OTOP2: variants seen among roughly 807,000 people sequenced by gnomAD.
The protein encoded by OTOP2 is otopetrin 2.
OTOP2 carries 41 observed loss-of-function variants against 47.4 expected under a neutral mutation model. That is an observed-to-expected ratio of 0.87 (90% CI 0.67 to 1.12). The LOEUF is 1.12. OTOP2 is among the 50% of genes most tolerant of loss of function. OTOP2 has a pLI of 0.00. For missense variants in OTOP2, 721 were observed against 752.2 expected (o/e 0.96, Z 0.49); for synonymous variants, 328 against 319.6 (o/e 1.03, Z -0.28).
At position 74,930,139 on chromosome 17, in the gene OTOP2, C is replaced by A; in HGVS notation, c.644-140C>A. ...TGAAGCTTGCAGTGAGCCAAGATCACACCATTGCACTCCAGCCTGAGCATC... is the reference window on the plus strand; with the variant it reads ...TGAAGCTTGCAGTGAGCCAAGATCAAACCATTGCACTCCAGCCTGAGCATC... On this transcript the variant is annotated intron_variant, in intron 5 of 6. Transcript: ENST00000331427. The surrounding 1 kb of genome is among the most constrained non-coding windows in gnomAD (Gnocchi z 4.0). The A allele has an allele frequency of 1.1e-6, 1 of 935,394 alleles. No homozygotes were observed. Among genetic ancestry groups the A allele is most frequent in the South Asian group, 1.8e-5 (1 of 54,672 alleles). The allele number at this position is 935,394 out of a possible 1,614,324, so 57.9% of individuals were successfully genotyped here. A position where few individuals can be genotyped will look rare whatever the true frequency, so the allele number is the denominator to read the frequency against.
chr17:74,931,057 G>A lies in OTOP2; in HGVS notation c.1422G>A (p.Gln474=), dbSNP rs143125362. The A allele has an allele frequency of 2.2e-4, 348 of 1,614,130 alleles. 1 individual carries two copies. In the Middle Eastern group the frequency reaches 2.3e-3, roughly 11 times the overall value. The change falls in exon 6 of 7, where the codon CAG becomes CAA. Residue 474 remains glutamine (Q), a synonymous_variant. Coordinates refer to ENST00000331427, the MANE Select transcript of OTOP2 (RefSeq NM_178160.3). The part of the protein sequence containing the change: ...PGLVSPSPSD[Q]REAVAIVSTP... ...TGGTTAGCCCCAGCCCTTCAGACCA[G>A]CGGGAAGCAGTGGCCATCGTCTCAA...
chr17:74,925,167 C>A (rs1311364378), intron 2 of OTOP2, among the ~76,000 whole-genome samples: 1 of 152,038 alleles, frequency 6.6e-6, no homozygotes, highest in East Asian at 1.9e-4. Flanking sequence ...GACCTCTTTG[C>A]CCCCGGTCTG....
intron 5 of OTOP2, among the ~76,000 whole-genome samples, chr17:74,929,074 G>A (rs771241001): frequency 4.6e-5 from 7 of 152,152 alleles, no homozygotes; most frequent in East Asian, 1.9e-4. Flanking sequence ...ACATCACCAC[G>A]TTAAGCCTCA....
At chr17:74,926,233 A>G (rs1359763402) in intron 3 of OTOP2, among the ~76,000 whole-genome samples, 1 of 152,162 alleles carries the variant, frequency 6.6e-6, no homozygotes, top group African/African-American at 2.4e-5. Flanking sequence ...ATCATGACCA[A>G]AATGGCACCA....
rs958178143 is a variant in OTOP2, at chr17:74,933,820, G to C, written c.*275G>C. 2 of 356,134 alleles carry C rather than the reference G, an allele frequency of 5.6e-6. No individual in the cohort carries two copies. Among genetic ancestry groups the C allele is most frequent in the African/African-American group, 4.1e-5 (2 of 49,310 alleles). The allele number at this position is 356,134 out of a possible 1,614,324, so 22.1% of individuals were successfully genotyped here. A position where few individuals can be genotyped will look rare whatever the true frequency, so the allele number is the denominator to read the frequency against. Reference sequence around the variant, plus strand: ...TTCTAGGACCCAACAAGATCTGGAGGTGCCGGCTCTGGTTCCATCTCTAAT... The same window carrying C: ...TTCTAGGACCCAACAAGATCTGGAGCTGCCGGCTCTGGTTCCATCTCTAAT... On this transcript the variant is annotated 3_prime_UTR_variant, in exon 7 of 7. Transcript: ENST00000331427. This position sits in a 1 kb window ranked among gnomAD's most constrained non-coding sequence, Gnocchi z 4.7.
Position 74,925,650 on chromosome 17 carries a change from G to A in OTOP2, c.408G>A (p.Lys136=), listed in dbSNP as rs140621357. The A allele has an allele frequency of 8.7e-5, 140 of 1,614,182 alleles. No individual in the cohort carries two copies. Among genetic ancestry groups the A allele is most frequent in the Admixed American group, 6.7e-5 (4 of 60,024 alleles). ...SSFFECQSAI[K]ILHPLIQAVF... The stretch of plus-strand genomic sequence containing the variant: ...TCTTTGAGTGCCAGTCAGCCATCAA[G>A]ATCCTGCACCCCCTCATCCAGGCTG... The change falls in exon 3 of 7, where the codon AAG becomes AAA. Residue 136 remains lysine (K), a synonymous_variant. Coordinates refer to ENST00000331427, the MANE Select transcript of OTOP2 (RefSeq NM_178160.3).
intron 5 of OTOP2, 25 bp downstream of exon 5, chr17:74,927,823 C>CT (rs748723503): frequency 1.2e-6 from 2 of 1,611,252 alleles, no homozygotes; most frequent in African/African-American, 2.7e-5. Context: ...AATGCTGGCC[C>CT]TGTGGCTACC....
At position 74,930,811 on chromosome 17, in the gene OTOP2, G is replaced by A. The variant is rs772189577; in HGVS notation, c.1176G>A (p.Ala392=). The change falls in exon 6 of 7, where the codon GCG becomes GCA. Residue 392 remains alanine, a synonymous_variant. Coordinates refer to ENST00000331427, the MANE Select transcript of OTOP2 (RefSeq NM_178160.3). The surrounding 1 kb of genome is among the most constrained non-coding windows in gnomAD (Gnocchi z 4.0). ...ACTACTCCATCGTGGCTGTGGTGGC[G>A]GGCACACCCCAGGACCTGCTGGCAG... ...ISYYSIVAVV[A]GTPQDLLAGL... 2.2e-5 allele frequency: 35 copies of A among 1,613,890 alleles called. No individual in the cohort carries two copies. In the African/African-American group the frequency reaches 2.5e-4, roughly 12 times the overall value.
chr17:74,932,472 A>T (rs1281660521), intron 6 of OTOP2, among the ~76,000 whole-genome samples: 1 of 151,802 alleles, frequency 6.6e-6, no homozygotes, highest in Non-Finnish European at 1.5e-5. Flanking sequence ...AATTTCACTT[A>T]AAAAAAATGT....
Position 74,924,755 on chromosome 17 carries a change from C to G in OTOP2, c.123C>G (p.Leu41=), listed in dbSNP as rs753189877. 3 of 1,609,374 alleles carry G rather than the reference C, an allele frequency of 1.9e-6. No individual in the cohort carries two copies. The highest frequency in any genetic ancestry group is 2.2e-5 in the East Asian group (1 of 44,726). Residue 41 remains leucine (L), a synonymous_variant, in exon 2 of 7, where the codon CTC becomes CTG. Coordinates refer to ENST00000331427, the MANE Select transcript of OTOP2 (RefSeq NM_178160.3). The surrounding 1 kb of genome is among the most constrained non-coding windows in gnomAD (Gnocchi z 7.7). ...LSVLLAVNVL[L]LACTLISGGA... ...TGCTGCTGGCGGTGAACGTGCTGCT[C>G]CTCGCCTGCACGCTCATCAGCGGCG...
intron 3 of OTOP2, among the ~76,000 whole-genome samples, chr17:74,925,900 C>A (rs1257733732): frequency 6.6e-6 from 1 of 152,210 alleles, no homozygotes; most frequent in East Asian, 1.9e-4. Flanking sequence ...TGAGCTCCCA[C>A]TTGGAGCTCT....
chr17:74,930,375 A>G lies in OTOP2; in HGVS notation c.740A>G (p.Asn247Ser). 5 of 1,614,180 alleles carry G rather than the reference A, an allele frequency of 3.1e-6. No individual in the cohort carries two copies. The highest frequency in any genetic ancestry group is 4.2e-6 in the Non-Finnish European group (5 of 1,180,040). ...GGGTACTTCTACCTATATCCCTTCA[A>G]CATCGAGTACAGCCTCTTCGCCTCC... ...QQGYFYLYPFNIEYSLFASTM... is the reference protein window; with the variant it reads ...QQGYFYLYPFSIEYSLFASTM... Residue 247 changes from asparagine (N) to serine (S), a missense_variant, in exon 6 of 7, where the codon AAC (asparagine) becomes AGC (serine). By Grantham distance (46) the Asn-to-Ser change is conservative. Transcript: ENST00000331427. This position sits in a 1 kb window ranked among gnomAD's most constrained non-coding sequence, Gnocchi z 4.0.
chr17:74,933,608 C>T lies in OTOP2; in HGVS notation c.*63C>T. 2.7e-6 allele frequency: 4 copies of T among 1,490,828 alleles called. No homozygotes were observed. The highest frequency in any genetic ancestry group is 3.6e-6 in the Non-Finnish European group (4 of 1,103,030). 92.3% of individuals were successfully genotyped at this position (1,490,828 alleles called of 1,614,324 possible). ...CTCAGCTCATGTGCCCACTCAGACA[C>T]CCTCTGGGAATGAATCCCAGCTGGT... On this transcript the variant is annotated 3_prime_UTR_variant, in exon 7 of 7. Transcript: ENST00000331427. The surrounding 1 kb of genome is among the most constrained non-coding windows in gnomAD (Gnocchi z 4.7).
rs752626808 is a variant in OTOP2, at chr17:74,924,974, G to A, written c.313+29G>A. On this transcript the variant is annotated intron_variant, in intron 2 of 6. Coordinates refer to ENST00000331427, the MANE Select transcript of OTOP2 (RefSeq NM_178160.3). This position sits in a 1 kb window ranked among gnomAD's most constrained non-coding sequence, Gnocchi z 7.7. ...CCAGGGGAGGTGGGGGCGAGGTAGG[G>A]TGGGCACAACAGGGAGCTGCAGGCT... 5 of 1,528,280 alleles carry A rather than the reference G, an allele frequency of 3.3e-6. No individual in the cohort carries two copies. Among genetic ancestry groups the A allele is most frequent in the Admixed American group, 4.0e-5 (2 of 50,028 alleles). 94.7% of individuals were successfully genotyped at this position (1,528,280 alleles called of 1,614,324 possible).
Position 74,927,224 on chromosome 17 carries a change from CCTACTTT to C in OTOP2, c.455_461del (p.Tyr152SerfsTer15). 1 of 1,612,120 alleles carries C rather than the reference CCTACTTT, an allele frequency of 6.2e-7. No individual in the cohort carries two copies. The highest frequency in any genetic ancestry group is 8.5e-7 in the Non-Finnish European group (1 of 1,178,162). On this transcript the variant is annotated frameshift_variant and splice_region_variant, in exon 4 of 7. Coordinates refer to ENST00000331427, the MANE Select transcript of OTOP2 (RefSeq NM_178160.3). LOFTEE classifies it high-confidence loss of function. ...TCTCACCAATGTCTCTCCATACAGA[CCTACTTT>C]CTCTGGGTCTCTGCTAAAGACTGCG...
chr17:74,927,917 G>A, intron 5 of OTOP2, 119 bp downstream of exon 5: 1 of 1,330,394 alleles, frequency 7.5e-7, no homozygotes, highest in Admixed American at 2.5e-5. Flanking sequence ...GACAGAGCCA[G>A]GGTCCTCCTC....
At position 74,930,577 on chromosome 17, in the gene OTOP2, G is replaced by A. The variant is rs2039046779; in HGVS notation, c.942G>A (p.Val314=). 1.2e-6 allele frequency: 2 copies of A among 1,613,886 alleles called. No individual in the cohort carries two copies. Among genetic ancestry groups the A allele is most frequent in the Admixed American group, 1.7e-5 (1 of 59,994 alleles). Residue 314 remains valine, a synonymous_variant, in exon 6 of 7, where the codon GTG becomes GTA. Transcript: ENST00000331427. The surrounding 1 kb of genome is among the most constrained non-coding windows in gnomAD (Gnocchi z 4.0). Reference sequence around the variant, plus strand: ...TCTTCATCATCTACGAGGTTCAAGTGAGCGGGGACGGGAGCCGCACCAGGC... The same window carrying A: ...TCTTCATCATCTACGAGGTTCAAGTAAGCGGGGACGGGAGCCGCACCAGGC... ...LAVFIIYEVQ[V]SGDGSRTRQA... is the part of the protein sequence containing the mutation.
At chr17:74,927,351 C>T (rs1406622221) in intron 4 of OTOP2, 70 bp downstream of exon 4, 2 of 1,519,606 alleles carry the variant, frequency 1.3e-6, no homozygotes, top group Non-Finnish European at 1.8e-6. Flanking sequence ...TTCAGGCTTT[C>T]CACCCTGGGG....
At chr17:74,925,202 G>A (rs2038996290) in intron 2 of OTOP2, among the ~76,000 whole-genome samples, 1 of 152,094 alleles carries the variant, frequency 6.6e-6, no homozygotes, top group Non-Finnish European at 1.5e-5. Flanking sequence ...CTGGCTGAGG[G>A]AGGGCCTTTG....
Sources: gnomAD v4.1 joint callset for allele counts (sites outside exome capture counted in the v4.1 genomes callset) on GRCh38, gnomAD v4.1.1 for gene constraint, Gnocchi (gnomAD v3.1) non-coding constraint, MANE v1.5 for transcripts, NCBI Gene and HGNC (gene_info 2026-07-23, HGNC 2026-07-21) for gene names.